PRR5L: variants seen among roughly 807,000 people sequenced by gnomAD.
PRR5L encodes the protein proline-rich protein 5-like.
A neutral mutation model predicts 36.4 loss-of-function variants in PRR5L; 21 were observed. The observed-to-expected ratio is 0.58, with a 90% CI of 0.41 to 0.83. The LOEUF is 0.83. Among genes scored for constraint, PRR5L ranks in the 40% least tolerant of loss-of-function variants. The pLI, the probability that PRR5L is intolerant of heterozygous loss-of-function variation, is 0.00. For synonymous variants in PRR5L, 188 were observed against 197.0 expected (o/e 0.95, Z 0.38); for missense variants, 381 against 473.3 (o/e 0.80, Z 1.81).
chr11:36,462,354 C>G lies in PRR5L; in HGVS notation c.725C>G (p.Ser242Cys). 6.7e-7 allele frequency: 1 copy of G among 1,498,388 alleles called. No homozygotes were observed. The highest frequency in any genetic ancestry group is 8.9e-7 in the Non-Finnish European group (1 of 1,123,568). The allele number at this position is 1,498,388 out of a possible 1,614,324, so 92.8% of individuals were successfully genotyped here. Residue 242 changes from serine to cysteine, a missense_variant, in exon 9 of 9, where the codon TCC becomes TGC. Ser to Cys is a moderately radical substitution (Grantham distance 112, BLOSUM62 -1). Transcript: ENST00000530639. ...GPTYTLARRH[S>C]RVRPKVTVLN... ...TTTTCTCTTGCAGCCAGGCGGCACT[C>G]CAGGGTCCGGCCCAAGGTGACTGTC...
chr11:36,437,522 C>G, intron 6 of PRR5L, 46 bp downstream of exon 6: 2 of 1,242,944 alleles, frequency 1.6e-6, no homozygotes, highest in Non-Finnish European at 2.3e-6. Context: ...AGCGATCTGT[C>G]TTCTCTCCTG....
At chr11:36,376,303 A>T in intron 1 of PRR5L, 6 of 1,021,884 alleles carry the variant, frequency 5.9e-6, no homozygotes, top group Non-Finnish European at 7.4e-6. Flanking sequence ...TGGGAGGAGA[A>T]GGAGGAAGAG....
intron 1 of PRR5L, among the ~76,000 whole-genome samples, chr11:36,361,257 A>G (rs1240299664): frequency 6.6e-6 from 1 of 152,234 alleles, no homozygotes; most frequent in Non-Finnish European, 1.5e-5. Context: ...AGCAGATACG[A>G]GAATCCAGAT....
intron 4 of PRR5L, among the ~76,000 whole-genome samples, chr11:36,428,695 C>T (rs1470513742): frequency 6.6e-6 from 1 of 152,148 alleles, no homozygotes; most frequent in East Asian, 1.9e-4. Flanking sequence ...CTACTTCTAG[C>T]CTCGGTTTAT....
intron 1 of PRR5L, among the ~76,000 whole-genome samples, chr11:36,313,784 C>T (rs1856528185): frequency 6.6e-6 from 1 of 152,192 alleles, no homozygotes; most frequent in South Asian, 2.1e-4. Context: ...AGAGTTTGCC[C>T]ATGGTCAACT....
At chr11:36,457,728 T>C (rs1564955677) in intron 8 of PRR5L, among the ~76,000 whole-genome samples, 1 of 152,046 alleles carries the variant, frequency 6.6e-6, no homozygotes. Flanking sequence ...TCCTGGCAGG[T>C]AGGTACCCAG....
chr11:36,298,157 C>T (rs2133445307), intron 1 of PRR5L, among the ~76,000 whole-genome samples: 1 of 152,252 alleles, frequency 6.6e-6, no homozygotes, highest in Non-Finnish European at 1.5e-5. Context: ...TATTAGTTTG[C>T]TGGGACTGCC....
chr11:36,337,625 A>G (rs1237082997), intron 1 of PRR5L, among the ~76,000 whole-genome samples: 2 of 152,176 alleles, frequency 1.3e-5, no homozygotes, highest in Non-Finnish European at 2.9e-5. Flanking sequence ...AAATGGCTGC[A>G]CTCAACTTCC....
chr11:36,432,824 C>T (rs1858529293), intron 5 of PRR5L, among the ~76,000 whole-genome samples: 1 of 152,000 alleles, frequency 6.6e-6, no homozygotes, highest in South Asian at 2.1e-4. Context: ...CTTCCCATTC[C>T]CTGGGAAAGA....
intron 7 of PRR5L, among the ~76,000 whole-genome samples, chr11:36,448,277 C>A (rs1207141334): frequency 1.3e-5 from 2 of 152,150 alleles, no homozygotes; most frequent in Non-Finnish European, 2.9e-5. Flanking sequence ...CTGGTCCCCA[C>A]CCCCATTTGC....
chr11:36,385,300 A>G (rs902339660), intron 1 of PRR5L, among the ~76,000 whole-genome samples: 1 of 152,248 alleles, frequency 6.6e-6, no homozygotes, highest in Non-Finnish European at 1.5e-5. Context: ...ATGCACTCCA[A>G]GAAACTTGAT....
intron 3 of PRR5L, among the ~76,000 whole-genome samples, chr11:36,404,557 T>C (rs1857871140): frequency 6.6e-6 from 1 of 152,146 alleles, no homozygotes; most frequent in South Asian, 2.1e-4. Flanking sequence ...TGAGCCACTG[T>C]GCCTGGCCTC....
At chr11:36,367,740 TTC>T (rs55635913) in intron 1 of PRR5L, among the ~76,000 whole-genome samples, 30,453 of 150,152 alleles carry the variant, frequency 0.2, 3,448 homozygotes, top group Non-Finnish European at 0.27. Context: ...ACCAGAGAAC[TTC>T]TCTCTCTCTC....
chr11:36,420,025 C>T (rs941960758), intron 4 of PRR5L, among the ~76,000 whole-genome samples: 1 of 152,296 alleles, frequency 6.6e-6, no homozygotes, highest in South Asian at 2.1e-4. Context: ...TTTAAGGTTC[C>T]AGGACCAATC....
At chr11:36,338,344 G>C (rs759122346) in intron 1 of PRR5L, among the ~76,000 whole-genome samples, 1 of 151,966 alleles carries the variant, frequency 6.6e-6, no homozygotes, top group Non-Finnish European at 1.5e-5. Flanking sequence ...CATTCACCCC[G>C]CTTGAAATGC....
In PRR5L at chr11:36,382,101, TGA is replaced by T. The variant is rs1204063138; in HGVS notation, c.-125-18894_-125-18893del. 1.5e-4 allele frequency among the ~76,000 whole-genome samples: 23 copies of T among 152,296 alleles called. No individual in the cohort carries two copies. The East Asian group carries it at 2.3e-3, about 15-fold the overall frequency. Reference sequence around the variant, plus strand: ...TGAAGCCGGGAGGCAGAGGCTGCAGTGAGCGGAGATCGCGCCACTTCACTCCA... The same window carrying T: ...TGAAGCCGGGAGGCAGAGGCTGCAGTGCGGAGATCGCGCCACTTCACTCCA... On this transcript the variant is annotated intron_variant, in intron 1 of 8. Transcript: ENST00000530639.
chr11:36,314,526 A>G (rs1443399941), intron 1 of PRR5L, among the ~76,000 whole-genome samples: 1 of 152,202 alleles, frequency 6.6e-6, no homozygotes, highest in African/African-American at 2.4e-5. Context: ...TCTTCTCTCC[A>G]AAGTCCCACT....
At position 36,383,752 on chromosome 11, in the gene PRR5L, A is replaced by G. The variant is rs1163159736; in HGVS notation, c.-125-17245A>G. Among the ~76,000 whole-genome samples, 5 of 142,000 alleles carry G rather than the reference A, an allele frequency of 3.5e-5. No homozygotes were observed. In the East Asian group the frequency reaches 1.0e-3, roughly 29 times the overall value. The allele number at this position is 142,000 out of a possible 152,430, so 93.2% of individuals were successfully genotyped here. A position where few individuals can be genotyped will look rare whatever the true frequency, so the allele number is the denominator to read the frequency against. ...GCTCTGTCACCCAGGCTGGAGTGCA[A>G]TGGTGTGATCACGGATCACTGCAAT... On this transcript the variant is annotated intron_variant, in intron 1 of 8. Coordinates refer to ENST00000530639, the MANE Select transcript of PRR5L (RefSeq NM_001160167.2).
intron 1 of PRR5L, chr11:36,379,325 A>C (rs562524447): frequency 6.6e-6 from 1 of 152,294 alleles, no homozygotes; most frequent in East Asian, 1.9e-4. Flanking sequence ...TACAAGGTAA[A>C]ATATGCTGAA....
Sources: allele counts gnomAD v4.1 joint callset (sites outside exome capture counted in the v4.1 genomes callset), GRCh38; gene constraint gnomAD v4.1.1; transcripts MANE v1.5; gene names NCBI Gene and HGNC (gene_info 2026-07-23, HGNC 2026-07-21).